Variants in ARHGEF18 observed in about 807,000 individuals in gnomAD.
The protein encoded by ARHGEF18 is Rho/Rac guanine nucleotide exchange factor 18, also known as rho guanine nucleotide exchange factor 18.
Under a neutral mutation model 155.7 loss-of-function variants are expected in ARHGEF18, and 93 were observed. That is an observed-to-expected ratio of 0.60 (90% CI 0.50 to 0.71). The LOEUF (loss-of-function observed/expected upper bound fraction) is 0.71. ARHGEF18 is among the 30% of genes least tolerant of loss of function. The pLI, the probability that ARHGEF18 is intolerant of heterozygous loss-of-function variation, is 0.00. For synonymous variants in ARHGEF18, 742 were observed against 753.1 expected (o/e 0.99, Z 0.24); for missense variants, 1,593 against 1,816.1 (o/e 0.88, Z 2.23).
intron 20 of ARHGEF18, 51 bp downstream of exon 20, chr19:7,460,045 C>A: frequency 6.6e-7 from 1 of 1,525,122 alleles, no homozygotes; most frequent in Non-Finnish European, 8.9e-7. Context: ...GAGCCCTGGG[C>A]CCTCCATCAG....
chr19:7,406,889 C>G (rs976776778), intron 10 of ARHGEF18, among the ~76,000 whole-genome samples: 1 of 148,598 alleles, frequency 6.7e-6, no homozygotes, highest in Non-Finnish European at 1.5e-5. Context: ...CCCGTCTCTA[C>G]TAAAAAAAAA....
At chr19:7,477,391 C>G, downstream of ARHGEF18, 7 of 1,541,230 alleles carry the variant, frequency 4.5e-6, no homozygotes, top group Non-Finnish European at 6.1e-6. Flanking sequence ...GCGCCTCCGA[C>G]TGCATCTGCG....
chr19:7,448,102 C>G (rs1366757986), intron 15 of ARHGEF18, among the ~76,000 whole-genome samples: 1 of 152,230 alleles, frequency 6.6e-6, no homozygotes, highest in African/African-American at 2.4e-5. Context: ...TGCTGACCAC[C>G]ACTTTGTGTC....
At chr19:7,390,628 A>C (rs915469245) in intron 10 of ARHGEF18, 1 of 152,166 alleles carries the variant, frequency 6.6e-6, no homozygotes, top group Non-Finnish European at 1.5e-5. Flanking sequence ...CATCATCATC[A>C]TCCTCTTCAT....
chr19:7,450,889 G>C (rs1487228802), intron 15 of ARHGEF18, among the ~76,000 whole-genome samples: 3 of 59,308 alleles, frequency 5.1e-5, no homozygotes, highest in East Asian at 1.2e-3. Flanking sequence ...GTTAATGCGG[G>C]GTCTTGCTGT....
intron 10 of ARHGEF18, among the ~76,000 whole-genome samples, chr19:7,437,156 C>T (rs891457279): frequency 2.0e-5 from 3 of 152,040 alleles, no homozygotes; most frequent in South Asian, 2.1e-4. Context: ...AGGCCGGCTA[C>T]GGTGGCTCAA....
chr19:7,367,671 A>C (rs111788980), intron 2 of ARHGEF18, among the ~76,000 whole-genome samples: 13,862 of 144,648 alleles, frequency 0.096, 1,851 homozygotes, highest in African/African-American at 0.32. Context: ...ACTTGAACCC[A>C]GGAGGTGGAG....
chr19:7,440,101 A>C lies in ARHGEF18; in HGVS notation c.968-243A>C. 6.4e-7 allele frequency: 1 copy of C among 1,550,576 alleles called. No homozygotes were observed. Among genetic ancestry groups the C allele is most frequent in the African/African-American group, 1.4e-5 (1 of 73,052 alleles). On this transcript the variant is annotated intron_variant, in intron 10 of 28. Transcript: ENST00000668164. This position sits in a 1 kb window ranked among gnomAD's most constrained non-coding sequence, Gnocchi z 5.4. ...CCGGGTCCCGGAGCCCCGGGCGCGA[A>C]CATGGGGAATGCGCACTCCAAAAGC...
chr19:7,359,601 A>G (rs1351916441), intron 1 of ARHGEF18, among the ~76,000 whole-genome samples: 1 of 152,102 alleles, frequency 6.6e-6, no homozygotes, highest in Non-Finnish European at 1.5e-5. Flanking sequence ...GGCTTAGTCT[A>G]TGACACTAGG....
intron 10 of ARHGEF18, among the ~76,000 whole-genome samples, chr19:7,384,595 G>A (rs184636576): frequency 5.9e-5 from 9 of 152,168 alleles, no homozygotes; most frequent in East Asian, 1.9e-4. Flanking sequence ...TGGTGTCAAC[G>A]ATGTTCCTCT....
the ARHGEF18 span, among the ~76,000 whole-genome samples, chr19:7,479,709 C>T: frequency 6.6e-6 from 1 of 151,808 alleles, no homozygotes; most frequent in Non-Finnish European, 1.5e-5. Context: ...CACAGGACTT[C>T]GATGGCCGTG....
chr19:7,405,854 T>A (rs370912338), intron 10 of ARHGEF18, among the ~76,000 whole-genome samples: 83 of 144,090 alleles, frequency 5.8e-4, no homozygotes, highest in African/African-American at 2.4e-3. Flanking sequence ...ACTCTTGGGC[T>A]CAAGGGATCC....
chr19:7,418,533 C>A (rs1973144525), intron 10 of ARHGEF18, among the ~76,000 whole-genome samples: 1 of 150,838 alleles, frequency 6.6e-6, no homozygotes. Flanking sequence ...CACTCTGTCA[C>A]CTTCTTGCCA....
chr19:7,472,968 C>T (rs1421816506), downstream of ARHGEF18: 1 of 455,970 alleles, frequency 2.2e-6, no homozygotes, highest in Non-Finnish European at 4.4e-6. Flanking sequence ...TCCCAAAGTG[C>T]TGGGATTACG....
At chr19:7,425,150 G>A (rs1973582687) in intron 10 of ARHGEF18, among the ~76,000 whole-genome samples, 1 of 152,034 alleles carries the variant, frequency 6.6e-6, no homozygotes, top group Admixed American at 6.6e-5. Context: ...TTAAGACCAT[G>A]ACATGCAGCC....
intron 10 of ARHGEF18, among the ~76,000 whole-genome samples, chr19:7,406,644 G>C (rs986554918): frequency 3.3e-5 from 5 of 152,114 alleles, no homozygotes; most frequent in Admixed American, 2.6e-4. Context: ...TTGAGACACA[G>C]GATATGTTAA....
chr19:7,465,408 CTTTT>C (rs397859513), intron 23 of ARHGEF18, among the ~76,000 whole-genome samples: 3 of 133,964 alleles, frequency 2.2e-5, no homozygotes, highest in African/African-American at 5.6e-5. Context: ...GGGAGGATCA[CTTTT>C]TTTTTTTTTT....
intron 14 of ARHGEF18, among the ~76,000 whole-genome samples, chr19:7,445,081 T>A (rs1338007017): frequency 6.6e-6 from 1 of 152,184 alleles, no homozygotes; most frequent in Non-Finnish European, 1.5e-5. Context: ...AATGTTACAT[T>A]CTTCTGTGCT....
downstream of ARHGEF18, chr19:7,477,200 T>C (rs1287650914): frequency 2.0e-6 from 3 of 1,480,686 alleles, no homozygotes; most frequent in Non-Finnish European, 2.7e-6. Context: ...CTTCCGGCAG[T>C]GTCAGGGGGT....
Sources: allele counts gnomAD v4.1 joint callset (sites outside exome capture counted in the v4.1 genomes callset), GRCh38; gene constraint gnomAD v4.1.1; non-coding constraint Gnocchi (gnomAD v3.1); transcripts MANE v1.5; gene names NCBI Gene and HGNC (gene_info 2026-07-23, HGNC 2026-07-21).